Variants in GMDS observed in about 807,000 individuals in gnomAD.
GMDS encodes the protein GDP-mannose 4,6-dehydratase, also known as GDP-mannose 4,6 dehydratase.
GMDS carries 20 observed loss-of-function variants against 49.9 expected under a neutral mutation model. That is an observed-to-expected ratio of 0.40 (90% confidence interval 0.28 to 0.58). The LOEUF (loss-of-function observed/expected upper bound fraction) is 0.58. GMDS is among the 20% of genes least tolerant of loss of function. The probability of loss-of-function intolerance (pLI) is 0.42; values close to 1 mark genes in which losing one functional copy is unlikely to be tolerated. For missense variants in GMDS, 362 were observed against 481.4 expected (o/e 0.75, Z 2.32); for synonymous variants, 177 against 178.6 (o/e 0.99, Z 0.07).
At chr6:2,004,324 T>C (rs1225782076) in intron 4 of GMDS, among the ~76,000 whole-genome samples, 1 of 152,176 alleles carries the variant, frequency 6.6e-6, no homozygotes, top group East Asian at 1.9e-4. Flanking sequence ...TCATGACCTA[T>C]GGAGGCCATC....
Position 1,985,726 on chromosome 6 carries a change from AC to A in GMDS, c.346-24761del, listed in dbSNP as rs1361662529. ...TAGAAAACTCATAGCAAGAACAGAC[AC>A]CACAAGAAGACACACAGGCAGAAAA... is the stretch of plus-strand genomic sequence containing the variant. On this transcript the variant is annotated intron_variant, in intron 4 of 10. Transcript: ENST00000380815. 2.0e-5 allele frequency among the ~76,000 whole-genome samples: 3 copies of A among 152,194 alleles called. No individual in the cohort carries two copies. The East Asian group carries it at 5.8e-4, about 29-fold the overall frequency.
At chr6:1,792,446 C>G (rs1475439571) in intron 7 of GMDS, among the ~76,000 whole-genome samples, 1 of 152,120 alleles carries the variant, frequency 6.6e-6, no homozygotes, top group Admixed American at 6.5e-5. Flanking sequence ...CGATACTGAT[C>G]GTTTCACCTA....
chr6:1,721,192 G>A (rs960506446), intron 9 of GMDS, among the ~76,000 whole-genome samples: 2 of 152,060 alleles, frequency 1.3e-5, no homozygotes, highest in Non-Finnish European at 2.9e-5. Context: ...GTTTGCGGGG[G>A]GTGGGGAGGA....
rs189662521 is a variant in GMDS at position 1,779,559 on chromosome 6, G to A, written c.772-36973C>T. Among the ~76,000 whole-genome samples, 879 of 152,208 alleles carry A rather than the reference G, an allele frequency of 5.8e-3. 3 individuals carry two copies. The highest frequency in any genetic ancestry group is 0.024 in the Middle Eastern group (7 of 294). ...AAACAATGCGTGTGACCCCTGCAGA[G>A]ACAATCCTCATGTCCTCCATGAGTG... On this transcript the variant is annotated intron_variant, in intron 7 of 10. Coordinates refer to ENST00000380815, the MANE Select transcript of GMDS (RefSeq NM_001500.4).
At chr6:1,700,022 G>A (rs1003906026) in intron 9 of GMDS, among the ~76,000 whole-genome samples, 53 of 152,232 alleles carry the variant, frequency 3.5e-4, no homozygotes, top group Middle Eastern at 3.4e-3. Flanking sequence ...TGAACATTCT[G>A]CAAAAGGGAG....
chr6:2,222,782 G>A (rs1780651311), intron 1 of GMDS, among the ~76,000 whole-genome samples: 1 of 152,148 alleles, frequency 6.6e-6, no homozygotes, highest in Non-Finnish European at 1.5e-5. Flanking sequence ...GAAAGACAGT[G>A]AGGCAGTTAA....
intron 1 of GMDS, among the ~76,000 whole-genome samples, chr6:2,177,783 C>A (rs567427810): frequency 1.3e-5 from 2 of 152,248 alleles, no homozygotes; most frequent in African/African-American, 4.8e-5. Context: ...AGAACTGGAA[C>A]AAGACAGTCC....
intron 9 of GMDS, among the ~76,000 whole-genome samples, chr6:1,673,800 T>A (rs1296225045): frequency 6.6e-6 from 1 of 151,838 alleles, no homozygotes; most frequent in Non-Finnish European, 1.5e-5. Context: ...GTACTCAGCT[T>A]TTTCAGACTG....
chr6:1,892,783 T>C (rs939531252), intron 7 of GMDS, among the ~76,000 whole-genome samples: 1 of 152,230 alleles, frequency 6.6e-6, no homozygotes, highest in African/African-American at 2.4e-5. Flanking sequence ...GTGTTACCAC[T>C]TTTTACCCCT....
At chr6:1,727,195 C>T (rs959730921) in intron 8 of GMDS, among the ~76,000 whole-genome samples, 1 of 152,180 alleles carries the variant, frequency 6.6e-6, no homozygotes, top group Non-Finnish European at 1.5e-5. Context: ...TGTTTGCACA[C>T]AAGTTTCCTT....
chr6:1,786,834 A>G (rs1160419235), intron 7 of GMDS, among the ~76,000 whole-genome samples: 1 of 152,020 alleles, frequency 6.6e-6, no homozygotes, highest in African/African-American at 2.4e-5. Flanking sequence ...GTTGAAAACT[A>G]TGATTACAGT....
chr6:1,909,371 T>C (rs1222966994), intron 7 of GMDS, among the ~76,000 whole-genome samples: 1 of 152,254 alleles, frequency 6.6e-6, no homozygotes, highest in Non-Finnish European at 1.5e-5. Flanking sequence ...ACAAAGACTC[T>C]GCCTAGTACA....
chr6:1,941,468 C>T (rs978818793), intron 6 of GMDS, among the ~76,000 whole-genome samples: 2 of 152,122 alleles, frequency 1.3e-5, no homozygotes, highest in African/African-American at 4.8e-5. Flanking sequence ...GAGTGATCAC[C>T]ATGACTGCAG....
At chr6:1,991,642 G>T (rs1765946225) in intron 4 of GMDS, among the ~76,000 whole-genome samples, 5 of 152,156 alleles carry the variant, frequency 3.3e-5, no homozygotes, top group Admixed American at 2.6e-4. Flanking sequence ...CCCTATGGTT[G>T]TTCTTTCTCT....
At chr6:2,129,116 C>T (rs1007817579) in intron 1 of GMDS, among the ~76,000 whole-genome samples, 1 of 152,096 alleles carries the variant, frequency 6.6e-6, no homozygotes, top group South Asian at 2.1e-4. Flanking sequence ...AGACCAATTC[C>T]AGAAATTCAC....
At chr6:1,771,393 G>T (rs1180796893) in intron 7 of GMDS, among the ~76,000 whole-genome samples, 1 of 152,198 alleles carries the variant, frequency 6.6e-6, no homozygotes, top group East Asian at 1.9e-4. Context: ...TGACTGTGAC[G>T]CTGGCAAGTC....
At chr6:2,182,699 T>C (rs1333763627) in intron 1 of GMDS, among the ~76,000 whole-genome samples, 1 of 152,192 alleles carries the variant, frequency 6.6e-6, no homozygotes, top group African/African-American at 2.4e-5. Flanking sequence ...TTGAGACCTA[T>C]TGCTCAAAAG....
chr6:2,145,090 G>C (rs1465053393), intron 1 of GMDS, among the ~76,000 whole-genome samples: 1 of 152,086 alleles, frequency 6.6e-6, no homozygotes, highest in Admixed American at 6.6e-5. Flanking sequence ...CGCAGGCCTG[G>C]GCAAGAATCC....
At chr6:1,743,769 AT>A (rs1466680002) in intron 7 of GMDS, among the ~76,000 whole-genome samples, 1 of 118,692 alleles carries the variant, frequency 8.4e-6, no homozygotes, top group Non-Finnish European at 1.9e-5. Context: ...GGAGATGAAG[AT>A]TTAAAAAAAA....
Sources: allele counts gnomAD v4.1 joint callset (sites outside exome capture counted in the v4.1 genomes callset), GRCh38; gene constraint gnomAD v4.1.1; transcripts MANE v1.5; gene names NCBI Gene and HGNC (gene_info 2026-07-23, HGNC 2026-07-21).